Variants in SPRED1 observed in about 807,000 individuals in gnomAD.
The protein encoded by SPRED1 is sprouty-related, EVH1 domain-containing protein 1.
SPRED1 carries 18 observed loss-of-function variants against 52.3 expected under a neutral mutation model. The observed-to-expected ratio is 0.34, with a 90% CI of 0.24 to 0.51. The LOEUF is 0.51. SPRED1 is among the 20% of genes least tolerant of loss of function. SPRED1 has a pLI of 0.97. For synonymous variants in SPRED1, 155 were observed against 179.7 expected, an observed-to-expected ratio of 0.86 and a Z score of 1.10; for missense variants, 485 against 551.0, an observed-to-expected ratio of 0.88 and a Z score of 1.20.
At chr15:38,286,774 G>C (rs1894819577) in intron 1 of SPRED1, among the ~76,000 whole-genome samples, 1 of 152,106 alleles carries the variant, frequency 6.6e-6, no homozygotes, top group Admixed American at 6.6e-5. Flanking sequence ...ATCCAAGTAA[G>C]TGAAGTTTTT....
intron 6 of SPRED1, 127 bp from the exon 7 acceptor site, chr15:38,350,887 C>A: frequency 9.7e-7 from 1 of 1,027,448 alleles, no homozygotes; most frequent in Non-Finnish European, 1.5e-6. Context: ...GATCTCATCC[C>A]AAAAACATAT....
At chr15:38,268,813 A>G (rs545309225) in intron 1 of SPRED1, among the ~76,000 whole-genome samples, 23 of 152,170 alleles carry the variant, frequency 1.5e-4, no homozygotes, top group Non-Finnish European at 2.8e-4. Flanking sequence ...TCATTCCTTA[A>G]TAGTAACCAT....
rs1888627855 is a variant in SPRED1, at chr15:38,356,640, A to T, written c.*4976A>T. 6.6e-6 allele frequency: 1 copy of T among 151,362 alleles called. No individual in the cohort carries two copies. Among genetic ancestry groups the T allele is most frequent in the Non-Finnish European group, 1.5e-5 (1 of 67,734 alleles). 9.4% of individuals were successfully genotyped at this position (151,362 alleles called of 1,614,324 possible). The stretch of plus-strand genomic sequence containing the variant: ...TTTATTCATCCTTAATTGTATTCAG[A>T]TTTTTTTTTAAGTCTCTAAGCTAAT... On this transcript the variant is annotated 3_prime_UTR_variant, in exon 7 of 7. Transcript: ENST00000299084.
chr15:38,302,483 T>C (rs1257955883), intron 2 of SPRED1, among the ~76,000 whole-genome samples: 1 of 152,196 alleles, frequency 6.6e-6, no homozygotes, highest in Non-Finnish European at 1.5e-5. Flanking sequence ...AGACATCATT[T>C]TGTGTAACTG....
chr15:38,288,523 G>A (rs1894854883), intron 1 of SPRED1, among the ~76,000 whole-genome samples: 2 of 152,134 alleles, frequency 1.3e-5, no homozygotes, highest in Admixed American at 6.6e-5. Flanking sequence ...CTACTCCGAG[G>A]AGGATTCTTG....
At chr15:38,265,001 G>A (rs1404263992) in intron 1 of SPRED1, among the ~76,000 whole-genome samples, 1 of 152,102 alleles carries the variant, frequency 6.6e-6, no homozygotes, top group Non-Finnish European at 1.5e-5. Context: ...ATATTGCAGG[G>A]TTTTATCCAA....
At chr15:38,314,462 A>C (rs1271252922) in intron 2 of SPRED1, among the ~76,000 whole-genome samples, 4 of 151,898 alleles carry the variant, frequency 2.6e-5, no homozygotes, top group Non-Finnish European at 5.9e-5. Context: ...TATAATGTCA[A>C]GTTTAATTCC....
intron 2 of SPRED1, among the ~76,000 whole-genome samples, chr15:38,319,657 C>T (rs142019573): frequency 4.6e-4 from 70 of 152,270 alleles, no homozygotes; most frequent in African/African-American, 1.4e-3. Flanking sequence ...GGATTACAGG[C>T]GTGAGCCACT....
intron 4 of SPRED1, among the ~76,000 whole-genome samples, chr15:38,336,426 A>ATGTGTGTGTG (rs1298349053): frequency 0.047 from 6,444 of 138,178 alleles, 217 homozygotes; most frequent in Non-Finnish European, 0.061. Context: ...GTGTGTGTAT[A>ATGTGTGTGTG]TATATATATA....
rs767780864 is a variant in SPRED1 at position 38,266,643 on chromosome 15, A to AAAACAAAAC, written c.32+13433_32+13434insACAAACAAA. Among the ~76,000 whole-genome samples the AAAACAAAAC allele has an allele frequency of 2.6e-5, 4 of 151,772 alleles. No individual in the cohort carries two copies. In the South Asian group the frequency reaches 8.3e-4, roughly 32 times the overall value. On this transcript the variant is annotated intron_variant, in intron 1 of 6. Transcript: ENST00000299084. ...GCAACAGAGTGAGACTCTGTCTCAA[A>AAAACAAAAC]AAACAAACAAACAAACAAACAAACA...
intron 1 of SPRED1, among the ~76,000 whole-genome samples, chr15:38,257,861 T>C (rs1177367040): frequency 6.6e-6 from 1 of 152,236 alleles, no homozygotes; most frequent in African/African-American, 2.4e-5. Context: ...ACTGCAGCTG[T>C]TGGTGACTGA....
At chr15:38,307,005 T>C (rs1895263302) in intron 2 of SPRED1, among the ~76,000 whole-genome samples, 1 of 152,210 alleles carries the variant, frequency 6.6e-6, no homozygotes, top group African/African-American at 2.4e-5. Context: ...GATTGTGGTA[T>C]ATTTCGTAAT....
intron 1 of SPRED1, among the ~76,000 whole-genome samples, chr15:38,295,764 TGTAA>T (rs1031140864): frequency 4.6e-5 from 7 of 152,336 alleles, no homozygotes; most frequent in African/African-American, 1.2e-4. Flanking sequence ...ATCTGGTTAA[TGTAA>T]GTATTATAAG....
intron 2 of SPRED1, among the ~76,000 whole-genome samples, chr15:38,314,672 T>C (rs1269000964): frequency 6.6e-6 from 1 of 151,954 alleles, no homozygotes; most frequent in African/African-American, 2.4e-5. Context: ...CCAGTTACTA[T>C]CTTTTTGAGT....
intron 1 of SPRED1, among the ~76,000 whole-genome samples, chr15:38,282,125 C>T (rs901136707): frequency 6.6e-6 from 1 of 152,104 alleles, no homozygotes; most frequent in African/African-American, 2.4e-5. Context: ...ATGCATGTTC[C>T]ATAAATACAT....
At chr15:38,286,474 CAA>C (rs1894813460) in intron 1 of SPRED1, among the ~76,000 whole-genome samples, 1 of 150,480 alleles carries the variant, frequency 6.6e-6, no homozygotes, top group Non-Finnish European at 1.5e-5. Context: ...AATCTGCAAA[CAA>C]GAATAATTTT....
intron 1 of SPRED1, among the ~76,000 whole-genome samples, chr15:38,297,070 G>A (rs1895056013): frequency 6.6e-6 from 1 of 152,086 alleles, no homozygotes; most frequent in Non-Finnish European, 1.5e-5. Flanking sequence ...GAACCTACTG[G>A]TGCCTTGATC....
At chr15:38,337,587 CTT>C (rs1224526176) in intron 4 of SPRED1, among the ~76,000 whole-genome samples, 3 of 152,062 alleles carry the variant, frequency 2.0e-5, no homozygotes, top group East Asian at 1.9e-4. Context: ...GCAATAAACA[CTT>C]GTGATATTTT....
chr15:38,322,320 A>G lies in SPRED1; in HGVS notation c.287A>G (p.Asp96Gly), dbSNP rs1555391039. The change falls in exon 3 of 7, where the codon GAC becomes GGC. Residue 96 changes from aspartate (D) to glycine (G), a missense_variant. By Grantham distance (94) the Asp-to-Gly change is moderately conservative. Transcript: ENST00000299084. ...TPTFHHWKID[D>G]KKFGLTFQSP... ...ACATTTCACCACTGGAAGATTGATG[A>G]CAAGAAGTTTGGTCTTACGTTTCAA... 2.5e-6 allele frequency: 4 copies of G among 1,613,950 alleles called. No homozygotes were observed. Among genetic ancestry groups the G allele is most frequent in the Non-Finnish European group, 2.5e-6 (3 of 1,179,904 alleles).
Sources: gnomAD v4.1 joint callset for allele counts (sites outside exome capture counted in the v4.1 genomes callset) on GRCh38, gnomAD v4.1.1 for gene constraint, MANE v1.5 for transcripts, NCBI Gene and HGNC (gene_info 2026-07-23, HGNC 2026-07-21) for gene names.